The following MYT1 variants were observed in gnomAD, a reference collection of about 807,000 sequenced individuals.
The protein encoded by MYT1 is myelin transcription factor I.
A neutral mutation model predicts 123.0 loss-of-function variants in MYT1; 23 were observed. The observed-to-expected ratio is 0.19, with a 90% confidence interval of 0.13 to 0.26. MYT1 has a LOEUF of 0.26. Ranked by LOEUF, MYT1 falls within the 10% of genes least tolerant of loss-of-function variation. The probability of loss-of-function intolerance (pLI) is 1.00; values close to 1 mark genes in which losing one functional copy is unlikely to be tolerated. For synonymous variants in MYT1, 518 were observed against 575.3 expected (o/e 0.90, Z 1.43); for missense variants, 1,125 against 1,472.5 (o/e 0.76, Z 3.86).
chr20:64,229,868 G>A (rs1355451228), intron 18 of MYT1, among the ~76,000 whole-genome samples: 1 of 152,194 alleles, frequency 6.6e-6, no homozygotes, highest in Non-Finnish European at 1.5e-5. Context: ...CAGCATGGGA[G>A]TCAAGAGGTG....
At position 64,231,991 on chromosome 20, in the gene MYT1, G is replaced by A. The variant is rs1224017388; in HGVS notation, c.2676-173G>A. ...TGGCCCGGGTCTTCACACTCAGCCC[G>A]GAAGGGCCAGTTCTTCCCTGAGGCT... On this transcript the variant is annotated intron_variant, in intron 18 of 22. Transcript: ENST00000328439. This position sits in a 1 kb window ranked among gnomAD's most constrained non-coding sequence, Gnocchi z 6.4. Among the ~76,000 whole-genome samples the A allele has an allele frequency of 6.6e-6, 1 of 152,166 alleles. No individual in the cohort carries two copies. Among genetic ancestry groups the A allele is most frequent in the African/African-American group, 2.4e-5 (1 of 41,440 alleles).
rs959885878 is a variant in MYT1 at position 64,218,036 on chromosome 20, C to T, written c.1846+755C>T. Among the ~76,000 whole-genome samples the T allele has an allele frequency of 3.3e-5, 5 of 152,192 alleles. No individual in the cohort carries two copies. Among genetic ancestry groups the T allele is most frequent in the East Asian group, 1.9e-4 (1 of 5,200 alleles). ...CAGATGTTGTCAGCCCCAAACATGA[C>T]GTGACGAGTTTCCTACATGAGAATA... On this transcript the variant is annotated intron_variant, in intron 11 of 22. Coordinates refer to ENST00000328439, the MANE Select transcript of MYT1 (RefSeq NM_004535.3). This position sits in a 1 kb window ranked among gnomAD's most constrained non-coding sequence, Gnocchi z 4.0.
chr20:64,192,510 G>T lies in MYT1; in HGVS notation c.-1+2350G>T, dbSNP rs1420267085. Among the ~76,000 whole-genome samples, 2 of 152,212 alleles carry T rather than the reference G, an allele frequency of 1.3e-5. No individual in the cohort carries two copies. The highest frequency in any genetic ancestry group is 1.3e-4 in the Admixed American group (2 of 15,284). ...AGATGGGTGGTGAGGAGCCAGCATGGGAGGGCAGTGAACACACAAACCCTG... is the reference window on the plus strand; with the variant it reads ...AGATGGGTGGTGAGGAGCCAGCATGTGAGGGCAGTGAACACACAAACCCTG... On this transcript the variant is annotated intron_variant, in intron 2 of 22. Coordinates refer to ENST00000328439, the MANE Select transcript of MYT1 (RefSeq NM_004535.3). The surrounding 1 kb of genome is among the most constrained non-coding windows in gnomAD (Gnocchi z 5.3).
intron 4 of MYT1, among the ~76,000 whole-genome samples, chr20:64,204,534 T>C (rs1983422433): frequency 1.3e-5 from 2 of 152,236 alleles, no homozygotes; most frequent in South Asian, 4.1e-4. Flanking sequence ...CACAGATTCC[T>C]TTCTGCCTGT....
rs369383244 is a variant in MYT1 at position 64,192,007 on chromosome 20, A to G, written c.-1+1847A>G. ...CTTGACTTGAGGCCAGGGGCTCTGC[A>G]TGCAGCGTTATCTACAAATGTCTGG... is the stretch of plus-strand genomic sequence containing the variant. On this transcript the variant is annotated intron_variant, in intron 2 of 22. Coordinates refer to ENST00000328439, the MANE Select transcript of MYT1 (RefSeq NM_004535.3). This position sits in a 1 kb window ranked among gnomAD's most constrained non-coding sequence, Gnocchi z 5.3. The G allele has an allele frequency of 9.7e-4, 147 of 152,306 alleles. 1 individual carries two copies. The highest frequency in any genetic ancestry group is 3.3e-3 in the African/African-American group (136 of 41,570). The allele number at this position is 152,306 out of a possible 1,614,324, so 9.4% of individuals were successfully genotyped here. A position where few individuals can be genotyped will look rare whatever the true frequency, so the allele number is the denominator to read the frequency against.
intron 2 of MYT1, among the ~76,000 whole-genome samples, chr20:64,195,481 C>T (rs528776667): frequency 2.0e-5 from 3 of 148,052 alleles, no homozygotes; most frequent in African/African-American, 7.5e-5. Context: ...CTGCAACCTC[C>T]ACCTCCTGGG....
At chr20:64,172,935 G>A (rs1982330933) in intron 1 of MYT1, among the ~76,000 whole-genome samples, 1 of 151,926 alleles carries the variant, frequency 6.6e-6, no homozygotes, top group Non-Finnish European at 1.5e-5. Context: ...CACCATGTTG[G>A]TCAGGCTGGT....
chr20:64,181,002 G>C lies in MYT1; in HGVS notation c.-98-9061G>C. Among the ~76,000 whole-genome samples, 5 of 152,288 alleles carry C rather than the reference G, an allele frequency of 3.3e-5. 2 individuals carry two copies. In the South Asian group the frequency reaches 1.0e-3, roughly 32 times the overall value. On this transcript the variant is annotated intron_variant, in intron 1 of 22. Coordinates refer to ENST00000328439, the MANE Select transcript of MYT1 (RefSeq NM_004535.3). ...GATCAGTGTTTTGCCTGGGCATAGA[G>C]GACATGCCCTGAAGTTGAATGTCAA...
chr20:64,190,618 G>GGCTGCAGTGAGCTGAGATTGTGCC lies in MYT1; in HGVS notation c.-1+459_-1+482dup, dbSNP rs1255841976. On this transcript the variant is annotated intron_variant, in intron 2 of 22. Transcript: ENST00000328439. The surrounding 1 kb of genome is among the most constrained non-coding windows in gnomAD (Gnocchi z 4.1). ...GGATCACTTGAGCCTGGGAAGTCAA[G>GGCTGCAGTGAGCTGAGATTGTGCC]GCTGCAGTGAGCTGAGATTGTGCCA... 2.0e-5 allele frequency among the ~76,000 whole-genome samples: 3 copies of GGCTGCAGTGAGCTGAGATTGTGCC among 151,300 alleles called. No individual in the cohort carries two copies. Among genetic ancestry groups the GGCTGCAGTGAGCTGAGATTGTGCC allele is most frequent in the African/African-American group, 7.3e-5 (3 of 40,906 alleles).
intron 12 of MYT1, among the ~76,000 whole-genome samples, chr20:64,219,238 C>T (rs950634499): frequency 2.0e-5 from 3 of 152,222 alleles, no homozygotes; most frequent in African/African-American, 7.2e-5. Flanking sequence ...ACCTGGTGTG[C>T]TGAGTGAAGG....
intron 1 of MYT1, among the ~76,000 whole-genome samples, chr20:64,187,108 A>C (rs1375955197): frequency 1.4e-5 from 2 of 146,682 alleles, no homozygotes; most frequent in Admixed American, 6.8e-5. Flanking sequence ...GTTTCCGTGG[A>C]GAGTTTTCCT....
At chr20:64,194,039 C>T (rs973280602) in intron 2 of MYT1, among the ~76,000 whole-genome samples, 11 of 152,196 alleles carry the variant, frequency 7.2e-5, no homozygotes, top group Non-Finnish European at 1.5e-4. Flanking sequence ...GCTCTCCACA[C>T]ACCCCAGCCC....
In MYT1 at chr20:64,191,871, A is replaced by G. The variant is rs913228326; in HGVS notation, c.-1+1711A>G. The stretch of plus-strand genomic sequence containing the variant: ...ATGTTTCTAAATATTGAATTAAAAT[A>G]TTATTTATCTTGATCATTGAGTTTT... On this transcript the variant is annotated intron_variant, in intron 2 of 22. Coordinates refer to ENST00000328439, the MANE Select transcript of MYT1 (RefSeq NM_004535.3). The surrounding 1 kb of genome is among the most constrained non-coding windows in gnomAD (Gnocchi z 4.1). 5.3e-5 allele frequency: 8 copies of G among 152,212 alleles called. No homozygotes were observed. Among genetic ancestry groups the G allele is most frequent in the Admixed American group, 5.2e-4 (8 of 15,280 alleles). The allele number at this position is 152,212 out of a possible 1,614,324, so 9.4% of individuals were successfully genotyped here.
rs1483666123 is a variant in MYT1, at chr20:64,212,392, G to A, written c.1517+254G>A. 3.3e-5 allele frequency among the ~76,000 whole-genome samples: 5 copies of A among 152,302 alleles called. No individual in the cohort carries two copies. Among genetic ancestry groups the A allele is most frequent in the South Asian group, 2.1e-4 (1 of 4,820 alleles). ...TGTGCTACCCTTCTCCCAGCCTGCC[G>A]CCCTGAGGAGTGGGTACAAGGTCAG... On this transcript the variant is annotated intron_variant, in intron 9 of 22. Transcript: ENST00000328439. This position sits in a 1 kb window ranked among gnomAD's most constrained non-coding sequence, Gnocchi z 6.8.
chr20:64,179,240 C>T (rs1022634998), intron 1 of MYT1, among the ~76,000 whole-genome samples: 23 of 151,492 alleles, frequency 1.5e-4, no homozygotes, highest in South Asian at 6.3e-4. Context: ...TGCCCTTCAA[C>T]GTGGGAGCAC....
chr20:64,182,334 C>T (rs908636648), intron 1 of MYT1, among the ~76,000 whole-genome samples: 13 of 152,226 alleles, frequency 8.5e-5, no homozygotes, highest in Non-Finnish European at 1.9e-4. Flanking sequence ...CAGGCCCAGC[C>T]AATACGCACG....
At chr20:64,227,675 G>C (rs1377390584) in intron 17 of MYT1, among the ~76,000 whole-genome samples, 198 bp downstream of exon 17, 1 of 152,198 alleles carries the variant, frequency 6.6e-6, no homozygotes, top group African/African-American at 2.4e-5. Context: ...CAGGGCTAGG[G>C]GCTCGTGGTA....
intron 3 of MYT1, among the ~76,000 whole-genome samples, chr20:64,199,372 C>A (rs987226099): frequency 6.6e-6 from 1 of 152,214 alleles, no homozygotes; most frequent in Non-Finnish European, 1.5e-5. Context: ...GACTTACCTC[C>A]CTGATACGGG....
chr20:64,182,031 G>A (rs922565181), intron 1 of MYT1, among the ~76,000 whole-genome samples: 2 of 152,174 alleles, frequency 1.3e-5, no homozygotes, highest in African/African-American at 4.8e-5. Context: ...TTTCGTGTGG[G>A]CCTTAAATTG....
Sources: allele counts gnomAD v4.1 joint callset (sites outside exome capture counted in the v4.1 genomes callset), GRCh38; gene constraint gnomAD v4.1.1; non-coding constraint Gnocchi (gnomAD v3.1); transcripts MANE v1.5; gene names NCBI Gene and HGNC (gene_info 2026-07-23, HGNC 2026-07-21).